The following UHMK1 variants were observed in gnomAD, a reference collection of about 807,000 sequenced individuals.
UHMK1 encodes the protein U2AF homology motif kinase 1, also known as serine/threonine-protein kinase Kist.
A neutral mutation model predicts 44.0 loss-of-function variants in UHMK1; 18 were observed. That is an observed-to-expected ratio of 0.41 (90% CI 0.28 to 0.61). The LOEUF is 0.61. Among genes scored for constraint, UHMK1 ranks in the 20% least tolerant of loss-of-function variants. UHMK1 has a pLI of 0.31. For synonymous variants in UHMK1, 231 were observed against 198.5 expected, an observed-to-expected ratio of 1.16 and a Z score of -1.38; for missense variants, 463 against 522.5, an observed-to-expected ratio of 0.89 and a Z score of 1.11.
At chr1:162,518,054 C>T in intron 6 of UHMK1, 48 bp from the exon 7 acceptor site, 1 of 1,334,262 alleles carries the variant, frequency 7.5e-7, no homozygotes, top group Non-Finnish European at 1.1e-6. Flanking sequence ...ATGTTGAATA[C>T]TTGTTTATTA....
At chr1:162,521,734 T>A (rs1056430852) in intron 7 of UHMK1, among the ~76,000 whole-genome samples, 2 of 152,240 alleles carry the variant, frequency 1.3e-5, no homozygotes, top group Non-Finnish European at 2.9e-5. Flanking sequence ...GTTCAAGTGA[T>A]TCTCCTGCCT....
chr1:162,497,848 C>G lies in UHMK1; in HGVS notation c.-153C>G. 3.7e-6 allele frequency: 5 copies of G among 1,369,770 alleles called. No individual in the cohort carries two copies. Among genetic ancestry groups the G allele is most frequent in the Non-Finnish European group, 4.7e-6 (5 of 1,066,774 alleles). The allele number at this position is 1,369,770 out of a possible 1,614,324, so 84.9% of individuals were successfully genotyped here. A position where few individuals can be genotyped will look rare whatever the true frequency, so the allele number is the denominator to read the frequency against. On this transcript the variant is annotated 5_prime_UTR_variant, in exon 1 of 8. Coordinates refer to ENST00000489294, the MANE Select transcript of UHMK1 (RefSeq NM_175866.5). The stretch of plus-strand genomic sequence containing the variant: ...TCGGGTGCACCACGGCTTCCGGTGT[C>G]ATGGCTGCTTGAAGTCCCGGGAGTC...
At chr1:162,515,183 C>A (rs1426429967) in intron 6 of UHMK1, among the ~76,000 whole-genome samples, 2 of 151,968 alleles carry the variant, frequency 1.3e-5, no homozygotes, top group African/African-American at 4.8e-5. Context: ...TTTATGTTTC[C>A]TTTTCCTTTT....
At chr1:162,509,800 G>A (rs1347892983) in intron 4 of UHMK1, among the ~76,000 whole-genome samples, 4 of 152,072 alleles carry the variant, frequency 2.6e-5, no homozygotes, top group Non-Finnish European at 5.9e-5. Flanking sequence ...ACAGCACCAT[G>A]CCTGGCTAAT....
In UHMK1 at chr1:162,518,193, A is replaced by G. The variant is rs1651905148; in HGVS notation, c.1113+3A>G. The stretch of plus-strand genomic sequence containing the variant: ...AGGAAAATCCTGGCAGAGGACAAGT[A>G]AGTGAATATTTTCATAATTGCAGAT... On this transcript the variant is annotated splice_donor_region_variant and intron_variant, in intron 7 of 7. Coordinates refer to ENST00000489294, the MANE Select transcript of UHMK1 (RefSeq NM_175866.5). The G allele has an allele frequency of 6.2e-7, 1 of 1,601,282 alleles. No individual in the cohort carries two copies. The highest frequency in any genetic ancestry group is 8.6e-7 in the Non-Finnish European group (1 of 1,168,642).
At chr1:162,518,389 TA>T (rs1169313388) in intron 7 of UHMK1, among the ~76,000 whole-genome samples, 199 bp downstream of exon 7, 1 of 152,166 alleles carries the variant, frequency 6.6e-6, no homozygotes, top group Non-Finnish European at 1.5e-5. Context: ...TTTTAGCACT[TA>T]AAATTTTTTT....
rs1652152818 is a variant in UHMK1, at chr1:162,524,027, G to A, written c.*1477G>A. On this transcript the variant is annotated 3_prime_UTR_variant, in exon 8 of 8. Transcript: ENST00000489294. ...TTGTCTTTAAAGATATAAAAATTAG[G>A]ATGCCTTTATGAAGCACTGATTATA... 6.6e-6 allele frequency: 1 copy of A among 151,514 alleles called. No individual in the cohort carries two copies. Among genetic ancestry groups the A allele is most frequent in the Non-Finnish European group, 1.5e-5 (1 of 67,880 alleles). The allele number at this position is 151,514 out of a possible 1,614,324, so 9.4% of individuals were successfully genotyped here.
chr1:162,517,439 T>C (rs1420967771), intron 6 of UHMK1, among the ~76,000 whole-genome samples: 1 of 152,132 alleles, frequency 6.6e-6, no homozygotes, highest in Non-Finnish European at 1.5e-5. Flanking sequence ...ATATTGAATA[T>C]TCATAGAATA....
intron 1 of UHMK1, among the ~76,000 whole-genome samples, chr1:162,498,887 TATC>T (rs1336289257): frequency 6.6e-6 from 1 of 152,224 alleles, no homozygotes; most frequent in African/African-American, 2.4e-5. Flanking sequence ...ACAGAAAGCT[TATC>T]ATTAGTTATA....
intron 6 of UHMK1, among the ~76,000 whole-genome samples, chr1:162,515,958 C>T (rs529560087): frequency 3.4e-4 from 51 of 151,584 alleles, no homozygotes; most frequent in African/African-American, 1.1e-3. Flanking sequence ...AGCATGAACC[C>T]GGGAGGCGGA....
At chr1:162,503,873 G>A in intron 4 of UHMK1, 25 bp downstream of exon 4, 2 of 1,584,594 alleles carry the variant, frequency 1.3e-6, no homozygotes, top group Non-Finnish European at 1.7e-6. Flanking sequence ...CCATAAACTT[G>A]CTTTGCATTC....
rs955436407 is a variant in UHMK1 at position 162,500,135 on chromosome 1, A to G, written c.449A>G (p.His150Arg). 1.9e-6 allele frequency: 3 copies of G among 1,614,212 alleles called. No individual in the cohort carries two copies. Among genetic ancestry groups the G allele is most frequent in the Non-Finnish European group, 1.7e-6 (2 of 1,180,040 alleles). ...RDVLEALAFL[H>R]HEGYVHADLK... ...GTTTTGGAGGCCCTTGCTTTTCTTC[A>G]TCATGAGGGCTATGTCCATGCGGAC... The change falls in exon 2 of 8, where the codon CAT (histidine) becomes CGT (arginine). Residue 150 changes from histidine to arginine, a missense_variant. Physicochemically the swap from His to Arg is conservative, Grantham distance 29. Transcript: ENST00000489294.
Position 162,528,636 on chromosome 1 carries a change from A to T in UHMK1, c.*6086A>T, listed in dbSNP as rs1385447946. ...TAGTATGCACTAGCTGCAAAGTCAC[A>T]GCACCTTATGGAAATAAGTATGTTT... is the stretch of plus-strand genomic sequence containing the variant. On this transcript the variant is annotated 3_prime_UTR_variant, in exon 8 of 8. Coordinates refer to ENST00000489294, the MANE Select transcript of UHMK1 (RefSeq NM_175866.5). The T allele has an allele frequency of 8.0e-5, 12 of 150,816 alleles. No individual in the cohort carries two copies. The allele number at this position is 150,816 out of a possible 1,614,324, so 9.3% of individuals were successfully genotyped here.
In UHMK1 at chr1:162,503,858, A is replaced by G. The variant is rs775032058; in HGVS notation, c.848+10A>G. ...GAGACCTTATCAAAAGGTATGTTAC[A>G]CGTACCATAAACTTGCTTTGCATTC... On this transcript the variant is annotated intron_variant, in intron 4 of 7. Coordinates refer to ENST00000489294, the MANE Select transcript of UHMK1 (RefSeq NM_175866.5). The G allele has an allele frequency of 1.2e-6, 2 of 1,610,994 alleles. No homozygotes were observed. Among genetic ancestry groups the G allele is most frequent in the Admixed American group, 1.7e-5 (1 of 59,906 alleles).
Position 162,497,922 on chromosome 1 carries a change from C to G in UHMK1, c.-79C>G. 7.0e-7 allele frequency: 1 copy of G among 1,436,342 alleles called. No individual in the cohort carries two copies. The highest frequency in any genetic ancestry group is 9.1e-7 in the Non-Finnish European group (1 of 1,099,736). 89.0% of individuals were successfully genotyped at this position (1,436,342 alleles called of 1,614,324 possible). A position where few individuals can be genotyped will look rare whatever the true frequency, so the allele number is the denominator to read the frequency against. On this transcript the variant is annotated 5_prime_UTR_variant, in exon 1 of 8. Coordinates refer to ENST00000489294, the MANE Select transcript of UHMK1 (RefSeq NM_175866.5). ...CCTGCGGAGCCGCTGGTCCGGCTGG[C>G]GGAGATGTGACCGCGGGCCCGGCCG...
chr1:162,505,111 G>A (rs927114878), intron 4 of UHMK1, among the ~76,000 whole-genome samples: 1 of 151,926 alleles, frequency 6.6e-6, no homozygotes, highest in African/African-American at 2.4e-5. Flanking sequence ...TAGCTTAACT[G>A]TAACTTTTTT....
rs1651718133 is a variant in UHMK1 at position 162,512,948 on chromosome 1, A to G, written c.1024+125A>G. 6.2e-6 allele frequency: 6 copies of G among 968,940 alleles called. No individual in the cohort carries two copies. In the South Asian group the frequency reaches 7.9e-5, roughly 13 times the overall value. 60.0% of individuals were successfully genotyped at this position (968,940 alleles called of 1,614,324 possible). ...AATATTGAACAATATGATCTCTAAT[A>G]TACTCTCACTTTTATCTTTTTGAGG... is the stretch of plus-strand genomic sequence containing the variant. On this transcript the variant is annotated intron_variant, in intron 6 of 7. Coordinates refer to ENST00000489294, the MANE Select transcript of UHMK1 (RefSeq NM_175866.5).
rs776769538 is a variant in UHMK1 at position 162,522,555 on chromosome 1, TA to T, written c.*7del. The T allele has an allele frequency of 5.0e-6, 8 of 1,613,582 alleles. No homozygotes were observed. The highest frequency in any genetic ancestry group is 5.1e-6 in the Non-Finnish European group (6 of 1,179,796). ...CTGTATCAAACCTTGCTTTAATCAG[TA>T]ACCTAAGGACTGTTTCCTTTTTCTC... On this transcript the variant is annotated 3_prime_UTR_variant, in exon 8 of 8. Coordinates refer to ENST00000489294, the MANE Select transcript of UHMK1 (RefSeq NM_175866.5).
At position 162,527,705 on chromosome 1, in the gene UHMK1, G is replaced by A. The variant is rs1557950462; in HGVS notation, c.*5155G>A. ...TTATTTCCCATTAAATTGGGTAGCT[G>A]TCACAATAACCAGAAGAAATCTTGT... On this transcript the variant is annotated 3_prime_UTR_variant, in exon 8 of 8. Transcript: ENST00000489294. 2 of 152,052 alleles carry A rather than the reference G, an allele frequency of 1.3e-5. No individual in the cohort carries two copies. Among genetic ancestry groups the A allele is most frequent in the Non-Finnish European group, 1.5e-5 (1 of 67,942 alleles). The allele number at this position is 152,052 out of a possible 1,614,324, so 9.4% of individuals were successfully genotyped here. A position where few individuals can be genotyped will look rare whatever the true frequency, so the allele number is the denominator to read the frequency against.
Sources: allele counts gnomAD v4.1 joint callset (sites outside exome capture counted in the v4.1 genomes callset), GRCh38; gene constraint gnomAD v4.1.1; transcripts MANE v1.5; gene names NCBI Gene and HGNC (gene_info 2026-07-23, HGNC 2026-07-21).